Variants in PRKN observed in about 807,000 individuals in gnomAD.
PRKN encodes the protein parkin RBR E3 ubiquitin protein ligase.
In PRKN, 56 loss-of-function variants were observed where a neutral mutation model predicts 59.5. That is an observed-to-expected ratio of 0.94 (90% confidence interval 0.76 to 1.18). The LOEUF is 1.18. Ranked by LOEUF, PRKN falls within the 50% of genes most tolerant of loss-of-function variation. The probability of loss-of-function intolerance (pLI) is 0.00; values close to 1 mark genes in which losing one functional copy is unlikely to be tolerated. For synonymous variants in PRKN, 250 were observed against 222.1 expected (o/e 1.13, Z -1.12); for missense variants, 657 against 596.4 (o/e 1.10, Z -1.06).
At chr6:162,517,341 G>C (rs1274165497) in intron 1 of PRKN, among the ~76,000 whole-genome samples, 1 of 150,936 alleles carries the variant, frequency 6.6e-6, no homozygotes, top group African/African-American at 2.4e-5. Flanking sequence ...TCTGTCTCCC[G>C]GGTTCAAGCC....
At chr6:161,987,562 C>T (rs867248695) in intron 5 of PRKN, among the ~76,000 whole-genome samples, 10 of 152,288 alleles carry the variant, frequency 6.6e-5, no homozygotes, top group Middle Eastern at 6.8e-3. Flanking sequence ...ATGTAGAATA[C>T]CTAATACAAT....
In PRKN at chr6:161,473,010, G is replaced by A. The variant is rs1462917430; in HGVS notation, c.1083+75844C>T. Among the ~76,000 whole-genome samples the A allele has an allele frequency of 6.6e-6, 1 of 152,164 alleles. No individual in the cohort carries two copies. The highest frequency in any genetic ancestry group is 1.9e-4 in the East Asian group (1 of 5,196). ...AAAGACATAACAAGCGGTAGCACGG[G>A]TTGGAGAAAAGGGAACCCTGACATG... is the stretch of plus-strand genomic sequence containing the variant. On this transcript the variant is annotated intron_variant, in intron 9 of 11. Coordinates refer to ENST00000366898, the MANE Select transcript of PRKN (RefSeq NM_004562.3). This position sits in a 1 kb window ranked among gnomAD's most constrained non-coding sequence, Gnocchi z 4.1.
intron 2 of PRKN, among the ~76,000 whole-genome samples, chr6:162,272,025 CCT>C (rs1780413281): frequency 6.6e-6 from 1 of 152,162 alleles, no homozygotes; most frequent in Non-Finnish European, 1.5e-5. Flanking sequence ...CAGGCCTGGG[CCT>C]TGTCACCTCC....
chr6:162,319,242 T>C (rs1255884267), intron 2 of PRKN, among the ~76,000 whole-genome samples: 1 of 151,560 alleles, frequency 6.6e-6, no homozygotes, highest in African/African-American at 2.4e-5. Context: ...TTTAAAATAA[T>C]ATAAATGTGT....
intron 1 of PRKN, among the ~76,000 whole-genome samples, chr6:162,679,384 G>C (rs1779684975): frequency 6.6e-6 from 1 of 152,116 alleles, no homozygotes; most frequent in South Asian, 2.1e-4. Context: ...AATTACAGGT[G>C]TGAGCCAATG....
chr6:162,244,591 G>C (rs534859724), intron 3 of PRKN, among the ~76,000 whole-genome samples: 1 of 152,006 alleles, frequency 6.6e-6, no homozygotes, highest in African/African-American at 2.4e-5. Flanking sequence ...CACGCCAAAT[G>C]AACAGGCCAT....
intron 6 of PRKN, among the ~76,000 whole-genome samples, chr6:161,912,905 G>A (rs901325346): frequency 1.3e-5 from 2 of 152,206 alleles, no homozygotes; most frequent in South Asian, 2.1e-4. Flanking sequence ...GGCCGGGTGC[G>A]GTGGCTCATG....
intron 1 of PRKN, among the ~76,000 whole-genome samples, chr6:162,498,555 C>T (rs1389878963): frequency 1.4e-5 from 2 of 143,694 alleles, no homozygotes; most frequent in South Asian, 2.3e-4. Context: ...AAGCGATTGT[C>T]CTGCCTCAGC....
chr6:162,427,786 C>G (rs2128161639), intron 2 of PRKN, among the ~76,000 whole-genome samples: 1 of 152,088 alleles, frequency 6.6e-6, no homozygotes, highest in South Asian at 2.1e-4. Flanking sequence ...GCTGGGACTA[C>G]AGGCGCCCCA....
At chr6:161,634,954 T>C (rs1004263817) in intron 7 of PRKN, among the ~76,000 whole-genome samples, 30 of 152,178 alleles carry the variant, frequency 2.0e-4, no homozygotes, top group Non-Finnish European at 1.2e-4. Context: ...ATAGCATCCC[T>C]GTTCTCACCC....
chr6:161,818,037 A>C (rs1199776675), intron 6 of PRKN, among the ~76,000 whole-genome samples: 2 of 152,244 alleles, frequency 1.3e-5, no homozygotes, highest in Admixed American at 1.3e-4. Context: ...ATGAAGGTTA[A>C]TCAAATCATA....
intron 6 of PRKN, among the ~76,000 whole-genome samples, chr6:161,834,303 C>T (rs1410423661): frequency 1.3e-5 from 2 of 152,128 alleles, no homozygotes; most frequent in Non-Finnish European, 2.9e-5. Flanking sequence ...GGAAAAGCTC[C>T]TTCTTCCTTT....
At chr6:162,686,700 C>T (rs1249181110) in intron 1 of PRKN, among the ~76,000 whole-genome samples, 1 of 152,042 alleles carries the variant, frequency 6.6e-6, no homozygotes, top group Non-Finnish European at 1.5e-5. Context: ...TCGCTTGCAC[C>T]CAGGAGTTCA....
At chr6:162,416,530 A>G (rs1788637104) in intron 2 of PRKN, among the ~76,000 whole-genome samples, 1 of 152,188 alleles carries the variant, frequency 6.6e-6, no homozygotes, top group Non-Finnish European at 1.5e-5. Flanking sequence ...ATTTGGAAGC[A>G]TTTTGATAAA....
chr6:161,564,181 G>A (rs567479969), intron 8 of PRKN, among the ~76,000 whole-genome samples: 1 of 152,230 alleles, frequency 6.6e-6, no homozygotes, highest in African/African-American at 2.4e-5. Flanking sequence ...AGGAATGCTG[G>A]GACAAGAGCT....
intron 9 of PRKN, among the ~76,000 whole-genome samples, chr6:161,509,080 G>A (rs1460302579): frequency 6.6e-6 from 1 of 152,170 alleles, no homozygotes; most frequent in Non-Finnish European, 1.5e-5. Flanking sequence ...CTGACCTCAG[G>A]TGATCCGCCA....
At chr6:162,603,976 T>C (rs1781806103) in intron 1 of PRKN, among the ~76,000 whole-genome samples, 1 of 152,138 alleles carries the variant, frequency 6.6e-6, no homozygotes, top group African/African-American at 2.4e-5. Context: ...ACTGCGAGGA[T>C]GGATACCAAG....
intron 2 of PRKN, among the ~76,000 whole-genome samples, chr6:162,363,778 C>T (rs1411967349): frequency 2.6e-5 from 4 of 152,154 alleles, no homozygotes; most frequent in Admixed American, 2.0e-4. Context: ...GGGCCTCTCT[C>T]CCTTCTATAC....
At chr6:161,387,556 A>C (rs575729927) in intron 9 of PRKN, among the ~76,000 whole-genome samples, 47 of 152,254 alleles carry the variant, frequency 3.1e-4, no homozygotes, top group Non-Finnish European at 5.6e-4. Context: ...TACCCACAGC[A>C]AAGTTTAATT....
Sources: allele counts gnomAD v4.1 joint callset (sites outside exome capture counted in the v4.1 genomes callset), GRCh38; gene constraint gnomAD v4.1.1; non-coding constraint Gnocchi (gnomAD v3.1); transcripts MANE v1.5; gene names NCBI Gene and HGNC (gene_info 2026-07-23, HGNC 2026-07-21).